The following RAP1B variants were observed in gnomAD, a reference collection of about 807,000 sequenced individuals.
RAP1B encodes ras-related protein Rap-1b.
In RAP1B, 1 loss-of-function variant was observed where a neutral mutation model predicts 27.5. The observed-to-expected ratio is 0.04, with a 90% confidence interval of 0.01 to 0.17. The LOEUF (loss-of-function observed/expected upper bound fraction) is 0.17, where lower values mean the gene tolerates loss of function less well. Ranked by LOEUF, RAP1B falls within the 10% of genes least tolerant of loss-of-function variation. RAP1B has a pLI of 1.00. For synonymous variants in RAP1B, 75 were observed against 73.1 expected (o/e 1.03, Z -0.13); for missense variants, 84 against 214.8 (o/e 0.39, Z 3.81).
At chr12:68,636,424 G>GT (rs377533270) in intron 1 of RAP1B, among the ~76,000 whole-genome samples, 4 of 152,120 alleles carry the variant, frequency 2.6e-5, no homozygotes, top group African/African-American at 7.2e-5. Flanking sequence ...TATAAGCACT[G>GT]TTTTTTTGTT....
intron 4 of RAP1B, among the ~76,000 whole-genome samples, chr12:68,652,774 TA>T (rs1159406783): frequency 6.6e-6 from 1 of 151,882 alleles, no homozygotes; most frequent in Non-Finnish European, 1.5e-5. Context: ...GCACTTTTTG[TA>T]ATTGCAGTGG....
intron 1 of RAP1B, 78 bp from the exon 2 acceptor site, chr12:68,648,621 T>C (rs1873588420): frequency 8.7e-7 from 1 of 1,144,086 alleles, no homozygotes; most frequent in Non-Finnish European, 1.3e-6. Context: ...TCTATTTTCC[T>C]GAATGTTTTA....
intron 1 of RAP1B, among the ~76,000 whole-genome samples, chr12:68,620,813 C>A (rs1871337500): frequency 6.6e-6 from 1 of 152,086 alleles, no homozygotes; most frequent in African/African-American, 2.4e-5. Context: ...GTGTCAAACT[C>A]CTTGGCCTAA....
At chr12:68,639,614 T>C (rs893441383) in intron 1 of RAP1B, among the ~76,000 whole-genome samples, 7 of 152,158 alleles carry the variant, frequency 4.6e-5, no homozygotes, top group African/African-American at 1.7e-4. Flanking sequence ...TTGTTTTTGC[T>C]ACACAGCTGA....
chr12:68,641,719 T>G (rs1873018519), intron 1 of RAP1B, among the ~76,000 whole-genome samples: 1 of 151,620 alleles, frequency 6.6e-6, no homozygotes, highest in South Asian at 2.1e-4. Flanking sequence ...AAAAATATAT[T>G]CAAAGATAAA....
At chr12:68,613,464 C>A (rs920170495) in intron 1 of RAP1B, among the ~76,000 whole-genome samples, 2 of 151,892 alleles carry the variant, frequency 1.3e-5, no homozygotes, top group Non-Finnish European at 2.9e-5. Flanking sequence ...CACCCACGAC[C>A]GCGTGAAAGT....
intron 1 of RAP1B, among the ~76,000 whole-genome samples, chr12:68,615,865 A>AT (rs924122344): frequency 1.1e-4 from 17 of 151,760 alleles, no homozygotes; most frequent in African/African-American, 2.9e-4. Flanking sequence ...ATAACTTGTG[A>AT]TTTTTTTTCC....
In RAP1B at chr12:68,671,103, T is replaced by A. The variant is rs1875075167; in HGVS notation, c.*11854T>A. The A allele has an allele frequency of 7.0e-6, 1 of 142,708 alleles. No individual in the cohort carries two copies. Among genetic ancestry groups the A allele is most frequent in the Non-Finnish European group, 1.5e-5 (1 of 64,750 alleles). The allele number at this position is 142,708 out of a possible 1,614,324, so 8.8% of individuals were successfully genotyped here. A position where few individuals can be genotyped will look rare whatever the true frequency, so the allele number is the denominator to read the frequency against. ...AAGATATATAACTAGGCAGTTTAGA[T>A]AAGAACAAATCCAAATGGCCCATCA... On this transcript the variant is annotated 3_prime_UTR_variant, in exon 8 of 8. Transcript: ENST00000250559.
At chr12:68,620,606 C>CT (rs71091541) in intron 1 of RAP1B, among the ~76,000 whole-genome samples, 36,895 of 143,350 alleles carry the variant, frequency 0.26, 4,912 homozygotes, top group Non-Finnish European at 0.32. Flanking sequence ...TTTTCCTTTT[C>CT]TTTTTTTTTT....
At chr12:68,644,848 C>CCGG (rs1313559338) in intron 1 of RAP1B, among the ~76,000 whole-genome samples, 3 of 151,560 alleles carry the variant, frequency 2.0e-5, no homozygotes, top group Admixed American at 1.3e-4. Flanking sequence ...GCCACCACAC[C>CCGG]CGGCTAATTT....
chr12:68,620,797 A>C (rs1171020788), intron 1 of RAP1B, among the ~76,000 whole-genome samples: 1 of 152,104 alleles, frequency 6.6e-6, no homozygotes, highest in Admixed American at 6.6e-5. Context: ...CATGTTGCCC[A>C]GGCTGGTGTC....
rs1299157605 is a variant in RAP1B at position 68,667,840 on chromosome 12, A to G, written c.*8591A>G. ...GTCTATTTTGTTAGAATAAAAAGCAATAATACTTCCTGAAATACATCTTGG... is the reference window on the plus strand; with the variant it reads ...GTCTATTTTGTTAGAATAAAAAGCAGTAATACTTCCTGAAATACATCTTGG... On this transcript the variant is annotated 3_prime_UTR_variant, in exon 8 of 8. Coordinates refer to ENST00000250559, the MANE Select transcript of RAP1B (RefSeq NM_001010942.3). The G allele has an allele frequency of 6.6e-6, 1 of 152,228 alleles. No individual in the cohort carries two copies. The highest frequency in any genetic ancestry group is 1.5e-5 in the Non-Finnish European group (1 of 68,038). 9.4% of individuals were successfully genotyped at this position (152,228 alleles called of 1,614,324 possible).
chr12:68,647,137 C>T (rs1159334736), intron 1 of RAP1B, among the ~76,000 whole-genome samples: 1 of 152,142 alleles, frequency 6.6e-6, no homozygotes, highest in East Asian at 1.9e-4. Context: ...ACTGCAACCT[C>T]CACCTCCCAG....
chr12:68,669,379 T>C lies in RAP1B; in HGVS notation c.*10130T>C, dbSNP rs760942839. ...ACTGGCTGAGGCTTTGTTTTTGTTT[T>C]TGATTTTTTAATAGACTGGATGTTG... On this transcript the variant is annotated 3_prime_UTR_variant, in exon 8 of 8. Transcript: ENST00000250559. 8 of 152,218 alleles carry C rather than the reference T, an allele frequency of 5.3e-5. No homozygotes were observed. The highest frequency in any genetic ancestry group is 8.8e-5 in the Non-Finnish European group (6 of 68,030). The allele number at this position is 152,218 out of a possible 1,614,324, so 9.4% of individuals were successfully genotyped here.
intron 1 of RAP1B, 126 bp from the exon 2 acceptor site, chr12:68,648,573 C>T: frequency 4.2e-6 from 3 of 720,748 alleles, no homozygotes; most frequent in Non-Finnish European, 6.7e-6. Context: ...TTATAGGGTG[C>T]TCCATACTAG....
chr12:68,633,704 A>C (rs1213955271), intron 1 of RAP1B, among the ~76,000 whole-genome samples: 2 of 152,106 alleles, frequency 1.3e-5, no homozygotes, highest in Admixed American at 1.3e-4. Flanking sequence ...CCCCGTCTCT[A>C]CTAAAAAATA....
At chr12:68,651,603 G>T (rs1873818399) in intron 3 of RAP1B, 1 of 176,884 alleles carries the variant, frequency 5.7e-6, no homozygotes, top group African/African-American at 2.4e-5. Context: ...GAGAAATGAG[G>T]TATATCTAAA....
At chr12:68,628,522 G>A (rs1044684036) in intron 1 of RAP1B, among the ~76,000 whole-genome samples, 11 of 152,138 alleles carry the variant, frequency 7.2e-5, no homozygotes, top group Non-Finnish European at 1.3e-4. Flanking sequence ...TGTCCAATGC[G>A]TGATTTTAGA....
intron 1 of RAP1B, among the ~76,000 whole-genome samples, chr12:68,644,652 G>A (rs1410461330): frequency 6.7e-6 from 1 of 148,560 alleles, no homozygotes; most frequent in African/African-American, 2.5e-5. Flanking sequence ...CTGAGTGGCA[G>A]CTCAAACCAT....
Sources: allele counts gnomAD v4.1 joint callset (sites outside exome capture counted in the v4.1 genomes callset), GRCh38; gene constraint gnomAD v4.1.1; transcripts MANE v1.5; gene names NCBI Gene and HGNC (gene_info 2026-07-23, HGNC 2026-07-21).